TGFB1I1: variants seen among roughly 807,000 people sequenced by gnomAD.
The protein encoded by TGFB1I1 is transforming growth factor beta-1-induced transcript 1 protein.
Under a neutral mutation model 52.0 loss-of-function variants are expected in TGFB1I1, and 33 were observed. That is an observed-to-expected ratio of 0.63 (90% CI 0.48 to 0.85). TGFB1I1 has a LOEUF of 0.85. TGFB1I1 is among the 40% of genes least tolerant of loss of function. The pLI, the probability that TGFB1I1 is intolerant of heterozygous loss-of-function variation, is 0.00. For synonymous variants in TGFB1I1, 236 were observed against 253.3 expected, an observed-to-expected ratio of 0.93 and a Z score of 0.65; for missense variants, 577 against 614.9, an observed-to-expected ratio of 0.94 and a Z score of 0.65.
rs2082429136 is a variant in TGFB1I1 at position 31,477,000 on chromosome 16, T to C, written c.1109T>C (p.Phe370Ser). Residue 370 changes from phenylalanine to serine, a missense_variant, in exon 10 of 11, where the codon TTC becomes TCC. Phe to Ser is a radical substitution (Grantham distance 155). This residue lies in a region of TGFB1I1 where 456 missense variants were observed against 461.6 expected (regional missense o/e 0.99). Coordinates refer to ENST00000394863, the MANE Select transcript of TGFB1I1 (RefSeq NM_001042454.3). The surrounding 1 kb of genome is among the most constrained non-coding windows in gnomAD (Gnocchi z 7.6). ...ALSALWHPDC[F>S]VCRECFAPFS... Reference sequence around the variant, plus strand: ...AGCGCGCTCTGGCACCCGGACTGTTTCGTCTGCAGGGTGCGAGCTGCGGGG... The same window carrying C: ...AGCGCGCTCTGGCACCCGGACTGTTCCGTCTGCAGGGTGCGAGCTGCGGGG... The C allele has an allele frequency of 3.8e-6, 6 of 1,584,890 alleles. No individual in the cohort carries two copies. The highest frequency in any genetic ancestry group is 4.3e-6 in the Non-Finnish European group (5 of 1,172,326).
In TGFB1I1 at chr16:31,474,616, CT is replaced by C. The variant is rs769178011; in HGVS notation, c.574del (p.Ser192ProfsTer13). ...CGGTGGTGAGCTCCACAAATGAGGG[CT>C]CCCCATCCCCACCAGAGCCGACTGG... is the stretch of plus-strand genomic sequence containing the variant. Reference protein sequence around the residue: ...PPVVSSTNEGSPSPPEPTGKG... With the variant: ...PPVVSSTNEGXPSPPEPTGKG... On this transcript the variant is annotated frameshift_variant, in exon 7 of 11. Transcript: ENST00000394863. LOFTEE classifies it high-confidence loss of function. The surrounding 1 kb of genome is among the most constrained non-coding windows in gnomAD (Gnocchi z 4.2). 1.9e-6 allele frequency: 3 copies of C among 1,610,880 alleles called. No individual in the cohort carries two copies. The South Asian group carries it at 3.3e-5, about 18-fold the overall frequency.
chr16:31,473,716 A>T lies in TGFB1I1; in HGVS notation c.164A>T (p.Asp55Val), dbSNP rs1334394529. Residue 55 changes from aspartate to valine, a missense_variant, in exon 3 of 11, where the codon GAC becomes GTC. Physicochemically the swap from Asp to Val is radical, Grantham distance 152. Transcript: ENST00000394863. The stretch of plus-strand genomic sequence containing the variant: ...GGGGAGTCTTCAGGAGCCTCGGGGG[A>T]CAAGGACCACCTGTACAGGTGAGGG... ...GSGESSGASG[D>V]KDHLYSTVCK... 6.4e-7 allele frequency: 1 copy of T among 1,553,380 alleles called. No individual in the cohort carries two copies. Among genetic ancestry groups the T allele is most frequent in the Non-Finnish European group, 8.7e-7 (1 of 1,150,732 alleles).
In TGFB1I1 at chr16:31,476,586, C is replaced by T; in HGVS notation, c.970+24C>T. 1.9e-6 allele frequency: 3 copies of T among 1,605,630 alleles called. No individual in the cohort carries two copies. Among genetic ancestry groups the T allele is most frequent in the Non-Finnish European group, 2.6e-6 (3 of 1,176,246 alleles). On this transcript the variant is annotated intron_variant, in intron 9 of 10. Coordinates refer to ENST00000394863, the MANE Select transcript of TGFB1I1 (RefSeq NM_001042454.3). The surrounding 1 kb of genome is among the most constrained non-coding windows in gnomAD (Gnocchi z 7.6). ...GGGTGAGAGTGAACTCGACTCCCATCTTAAAAGCTGCGGGTCCCCTCGACG... is the reference window on the plus strand; with the variant it reads ...GGGTGAGAGTGAACTCGACTCCCATTTTAAAAGCTGCGGGTCCCCTCGACG...
rs367688614 is a variant in TGFB1I1 at position 31,476,073 on chromosome 16, C to T, written c.776C>T (p.Thr259Ile). 48 of 1,613,686 alleles carry T rather than the reference C, an allele frequency of 3.0e-5. No individual in the cohort carries two copies. Among genetic ancestry groups the T allele is most frequent in the Non-Finnish European group, 1.1e-5 (13 of 1,179,998 alleles). The part of the protein sequence containing the change: ...PEHFVCGGCS[T>I]ALGGSSFFEK... Reference sequence around the variant, plus strand: ...CACTTCGTTTGCGGAGGCTGTTCCACCGCCCTGGGAGGCAGCAGCTTCTTC... The same window carrying T: ...CACTTCGTTTGCGGAGGCTGTTCCATCGCCCTGGGAGGCAGCAGCTTCTTC... The change falls in exon 8 of 11, where the codon ACC becomes ATC. Residue 259 changes from threonine (T) to isoleucine (I), a missense_variant. Coordinates refer to ENST00000394863, the MANE Select transcript of TGFB1I1 (RefSeq NM_001042454.3). The surrounding 1 kb of genome is among the most constrained non-coding windows in gnomAD (Gnocchi z 7.6).
Position 31,476,280 on chromosome 16 carries a change from C to T in TGFB1I1, c.888+95C>T, listed in dbSNP as rs1464643577. On this transcript the variant is annotated intron_variant, in intron 8 of 10. Transcript: ENST00000394863. This position sits in a 1 kb window ranked among gnomAD's most constrained non-coding sequence, Gnocchi z 7.6. ...CATGGGTCCCGCCCCACCCGCGATACCCCACTCCACCCCTACCCCTTCCCC... is the reference window on the plus strand; with the variant it reads ...CATGGGTCCCGCCCCACCCGCGATATCCCACTCCACCCCTACCCCTTCCCC... The T allele has an allele frequency of 2.2e-5, 31 of 1,436,080 alleles. No individual in the cohort carries two copies. Among genetic ancestry groups the T allele is most frequent in the Non-Finnish European group, 2.9e-5 (31 of 1,068,500 alleles). The allele number at this position is 1,436,080 out of a possible 1,614,324, so 89.0% of individuals were successfully genotyped here.
chr16:31,472,402 T>G, intron 1 of TGFB1I1: 79 of 804,728 alleles, frequency 9.8e-5, no homozygotes, highest in East Asian at 2.9e-4. Flanking sequence ...CCTCCCTTCT[T>G]CCCTCGCTGT....
chr16:31,475,993 C>T lies in TGFB1I1; in HGVS notation c.715-19C>T, dbSNP rs2082420664. The T allele has an allele frequency of 1.2e-6, 2 of 1,606,918 alleles. No homozygotes were observed. The highest frequency in any genetic ancestry group is 1.1e-5 in the South Asian group (1 of 90,808). ...TGGTTGTCAGAGCCGCTCTGACCCG[C>T]CTCACCTCCCACTCGCAGGTGGTGA... is the stretch of plus-strand genomic sequence containing the variant. On this transcript the variant is annotated intron_variant, in intron 7 of 10. Coordinates refer to ENST00000394863, the MANE Select transcript of TGFB1I1 (RefSeq NM_001042454.3).
Position 31,472,213 on chromosome 16 carries a change from C to T in TGFB1I1, c.13+12C>T, listed in dbSNP as rs1390624298. The T allele has an allele frequency of 7.4e-7, 1 of 1,358,406 alleles. No homozygotes were observed. Among genetic ancestry groups the T allele is most frequent in the Non-Finnish European group, 9.6e-7 (1 of 1,037,122 alleles). The allele number at this position is 1,358,406 out of a possible 1,614,324, so 84.1% of individuals were successfully genotyped here. On this transcript the variant is annotated intron_variant, in intron 1 of 10. Coordinates refer to ENST00000394863, the MANE Select transcript of TGFB1I1 (RefSeq NM_001042454.3). ...CATGGAGGACCTGGGTGAGTGGGGC[C>T]GGATCCCCGGGTCCGTGGCCCCTCA...
At chr16:31,473,410 TGTC>T (rs771085936) in intron 1 of TGFB1I1, 28 bp from the exon 2 acceptor site, 2 of 1,598,246 alleles carry the variant, frequency 1.3e-6, no homozygotes, top group Admixed American at 3.3e-5. Context: ...CCGTGACCCT[TGTC>T]TCTCTCCCTG....
Position 31,477,275 on chromosome 16 carries a change from CCTGT to C in TGFB1I1, c.1120-29_1120-26del, listed in dbSNP as rs1387906561. ...CGCGTTGTCTGGCAGTGGCCGCTGA[CCTGT>C]CTGTCCTCTTTCGCGGCTTCCCTTC... On this transcript the variant is annotated intron_variant, in intron 10 of 10. Coordinates refer to ENST00000394863, the MANE Select transcript of TGFB1I1 (RefSeq NM_001042454.3). The surrounding 1 kb of genome is among the most constrained non-coding windows in gnomAD (Gnocchi z 4.7). 6.3e-7 allele frequency: 1 copy of C among 1,575,100 alleles called. No homozygotes were observed. Among genetic ancestry groups the C allele is most frequent in the South Asian group, 1.2e-5 (1 of 85,162 alleles).
Position 31,473,934 on chromosome 16 carries a change from T to C in TGFB1I1, c.282T>C (p.Asp94=). 6.2e-7 allele frequency: 1 copy of C among 1,613,898 alleles called. No homozygotes were observed. The highest frequency in any genetic ancestry group is 8.5e-7 in the Non-Finnish European group (1 of 1,179,986). Residue 94 remains aspartate (D), a synonymous_variant, in exon 4 of 11, where the codon GAT becomes GAC. Coordinates refer to ENST00000394863, the MANE Select transcript of TGFB1I1 (RefSeq NM_001042454.3). ...GVLGTGLCEL[D]RLLQELNATQ... is the part of the protein sequence containing the mutation. ...TGGGTACCGGGCTCTGTGAGCTAGA[T>C]CGGTTGCTTCAGGAACTTAATGCCA... is the stretch of plus-strand genomic sequence containing the variant.
Position 31,473,429 on chromosome 16 carries a change from C to T in TGFB1I1, c.14-12C>T. 1.9e-6 allele frequency: 3 copies of T among 1,609,662 alleles called. No homozygotes were observed. The highest frequency in any genetic ancestry group is 2.5e-6 in the Non-Finnish European group (3 of 1,176,580). On this transcript the variant is annotated splice_polypyrimidine_tract_variant and intron_variant, in intron 1 of 10. Transcript: ENST00000394863. ...GACCCTTGTCTCTCTCCCTGATGGC[C>T]TCTTCCTGCAGATGCCCTGCTCTCT...
At position 31,474,355 on chromosome 16, in the gene TGFB1I1, C is replaced by G. The variant is rs762273047; in HGVS notation, c.419C>G (p.Ser140Cys). 3.1e-6 allele frequency: 5 copies of G among 1,614,060 alleles called. No homozygotes were observed. The African/African-American group carries it at 5.3e-5, about 17-fold the overall frequency. The part of the protein sequence containing the change: ...SEDKKRPSLP[S>C]SPSPGLPKAS... ...CACAAGCATGTTCTTCACAGCCCTT[C>G]CAGCCCGTCTCCTGGCCTCCCAAAG... Residue 140 changes from serine (S) to cysteine (C), a missense_variant, in exon 6 of 11, where the codon TCC (serine) becomes TGC (cysteine). By Grantham distance (112) the Ser-to-Cys change is moderately radical (BLOSUM62 -1). Around this residue, in one of 3 missense-constraint regions of TGFB1I1, gnomAD observed 456 missense variants for 461.6 expected, o/e 0.99. Coordinates refer to ENST00000394863, the MANE Select transcript of TGFB1I1 (RefSeq NM_001042454.3). This position sits in a 1 kb window ranked among gnomAD's most constrained non-coding sequence, Gnocchi z 4.2.
rs2082407452 is a variant in TGFB1I1 at position 31,474,072 on chromosome 16, G to A, written c.326-80G>A. 5 of 1,611,120 alleles carry A rather than the reference G, an allele frequency of 3.1e-6. No individual in the cohort carries two copies. The highest frequency in any genetic ancestry group is 4.2e-6 in the Non-Finnish European group (5 of 1,177,878). ...GAGGAATACACTTCCCAGAGTAGCA[G>A]TTAAAGGGACCTAAAGCCTCAAGTG... On this transcript the variant is annotated intron_variant, in intron 4 of 10. Transcript: ENST00000394863. This position sits in a 1 kb window ranked among gnomAD's most constrained non-coding sequence, Gnocchi z 4.2.
chr16:31,473,462 A>T lies in TGFB1I1; in HGVS notation c.35A>T (p.Glu12Val). 3.1e-6 allele frequency: 5 copies of T among 1,613,810 alleles called. No homozygotes were observed. The highest frequency in any genetic ancestry group is 4.2e-6 in the Non-Finnish European group (5 of 1,179,974). Reference protein sequence around the residue: ...EDLDALLSDLETTTSHMPRSG... With the variant: ...EDLDALLSDLVTTTSHMPRSG... ...GCAGATGCCCTGCTCTCTGACCTGG[A>T]GACTACCACCTCGCACATGCCAAGG... The change falls in exon 2 of 11, where the codon GAG becomes GTG. Residue 12 changes from glutamate to valine, a missense_variant. Glu to Val is a moderately radical substitution (Grantham distance 121). Transcript: ENST00000394863.
rs1596613370 is a variant in TGFB1I1, at chr16:31,477,105, G to T, written c.1119+95G>T. 6 of 1,400,872 alleles carry T rather than the reference G, an allele frequency of 4.3e-6. No individual in the cohort carries two copies. In the East Asian group the frequency reaches 1.5e-4, roughly 35 times the overall value. The allele number at this position is 1,400,872 out of a possible 1,614,324, so 86.8% of individuals were successfully genotyped here. On this transcript the variant is annotated intron_variant, in intron 10 of 10. Coordinates refer to ENST00000394863, the MANE Select transcript of TGFB1I1 (RefSeq NM_001042454.3). The surrounding 1 kb of genome is among the most constrained non-coding windows in gnomAD (Gnocchi z 4.7). The stretch of plus-strand genomic sequence containing the variant: ...GGGGCGGGTCAAGGGTGCAGGGCAG[G>T]GGGCGGGCCCTCGGGGGGGCGGGTC...
Position 31,477,177 on chromosome 16 carries a change from A to G in TGFB1I1, c.1120-133A>G, listed in dbSNP as rs1321708020. 6.9e-7 allele frequency: 1 copy of G among 1,441,010 alleles called. No individual in the cohort carries two copies. Among genetic ancestry groups the G allele is most frequent in the Non-Finnish European group, 9.2e-7 (1 of 1,082,464 alleles). 89.3% of individuals were successfully genotyped at this position (1,441,010 alleles called of 1,614,324 possible). A position where few individuals can be genotyped will look rare whatever the true frequency, so the allele number is the denominator to read the frequency against. On this transcript the variant is annotated intron_variant, in intron 10 of 10. Transcript: ENST00000394863. This position sits in a 1 kb window ranked among gnomAD's most constrained non-coding sequence, Gnocchi z 4.7. ...CTCGGGTGGGGCGAGTTTTCCGGGC[A>G]GGGTCCCACCGGACGGGATTCTTCG...
Position 31,477,812 on chromosome 16 carries a change from T to C in TGFB1I1, c.*236T>C. 1.8e-6 allele frequency: 1 copy of C among 566,858 alleles called. No individual in the cohort carries two copies. The highest frequency in any genetic ancestry group is 3.0e-6 in the Non-Finnish European group (1 of 332,184). 35.1% of individuals were successfully genotyped at this position (566,858 alleles called of 1,614,324 possible). On this transcript the variant is annotated 3_prime_UTR_variant, in exon 11 of 11. Transcript: ENST00000394863. This position sits in a 1 kb window ranked among gnomAD's most constrained non-coding sequence, Gnocchi z 4.7. The stretch of plus-strand genomic sequence containing the variant: ...AGAACTCCCGTGCGGGCCTCCACTC[T>C]ATTCCCACCCTTGAGGGAGCCCCCT...
chr16:31,475,878 G>A, intron 7 of TGFB1I1, 134 bp from the exon 8 acceptor site: 1 of 967,818 alleles, frequency 1.0e-6, no homozygotes, highest in Non-Finnish European at 1.5e-6. Flanking sequence ...ATCGCTTACA[G>A]GCTGCGTGAT....
Sources: allele counts gnomAD v4.1 joint callset, GRCh38; gene constraint gnomAD v4.1.1; regional missense constraint gnomAD v4.1.1; non-coding constraint Gnocchi (gnomAD v3.1); transcripts MANE v1.5; gene names NCBI Gene and HGNC (gene_info 2026-07-23, HGNC 2026-07-21).